CALN1: variants seen among roughly 807,000 people sequenced by gnomAD.
CALN1 encodes calneuron 1.
In CALN1, 17 loss-of-function variants were observed where a neutral mutation model predicts 30.6. That is an observed-to-expected ratio of 0.56 (90% CI 0.38 to 0.83). The LOEUF (loss-of-function observed/expected upper bound fraction) is 0.83, where lower values mean the gene tolerates loss of function less well. Ranked by LOEUF, CALN1 falls within the 40% of genes least tolerant of loss-of-function variation. The pLI is 0.00. For synonymous variants in CALN1, 156 were observed against 131.4 expected (o/e 1.19, Z -1.28); for missense variants, 291 against 354.9 (o/e 0.82, Z 1.45).
chr7:71,825,303 C>G (rs1301759236), intron 5 of CALN1, among the ~76,000 whole-genome samples: 1 of 152,168 alleles, frequency 6.6e-6, no homozygotes, highest in African/African-American at 2.4e-5. Flanking sequence ...TAGGAGATAA[C>G]TGAATCATGG....
rs917836077 is a variant in CALN1, at chr7:71,842,137, A to G, written c.502-31645T>C. ...GGGAGGCTGGAGATAGCTAGATACT[A>G]GGCAGCAACTCACGTGTCTGCCTCT... is the stretch of plus-strand genomic sequence containing the variant. On this transcript the variant is annotated intron_variant, in intron 5 of 6. Coordinates refer to ENST00000395275, the MANE Select transcript of CALN1 (RefSeq NM_031468.4). Among the ~76,000 whole-genome samples the G allele has an allele frequency of 2.0e-5, 3 of 152,302 alleles. No individual in the cohort carries two copies. The East Asian group carries it at 5.8e-4, about 29-fold the overall frequency.
chr7:71,992,537 T>G (rs1167577840), intron 5 of CALN1, among the ~76,000 whole-genome samples: 1 of 152,130 alleles, frequency 6.6e-6, no homozygotes, highest in African/African-American at 2.4e-5. Flanking sequence ...TAAATTTTTC[T>G]TGCAGAGATG....
intron 4 of CALN1, among the ~76,000 whole-genome samples, chr7:72,065,542 C>T (rs930030409): frequency 6.6e-6 from 1 of 152,160 alleles, no homozygotes; most frequent in Non-Finnish European, 1.5e-5. Context: ...AAGCAAGCAT[C>T]CCCAATCCCA....
In CALN1 at chr7:71,817,743, T is replaced by C. The variant is rs527916160; in HGVS notation, c.502-7251A>G. On this transcript the variant is annotated intron_variant, in intron 5 of 6. Transcript: ENST00000395275. ...GTTGGCCAGGATGGTCTCGATCTCC[T>C]GACCTTGTAATCCACCTGCCTTGGC... Among the ~76,000 whole-genome samples, 17 of 152,286 alleles carry C rather than the reference T, an allele frequency of 1.1e-4. No individual in the cohort carries two copies. In the East Asian group the frequency reaches 3.1e-3, roughly 28 times the overall value.
intron 3 of CALN1, among the ~76,000 whole-genome samples, chr7:72,210,105 G>C (rs1354064075): frequency 6.6e-6 from 1 of 152,038 alleles, no homozygotes; most frequent in African/African-American, 2.4e-5. Context: ...CTATGAAGAA[G>C]GACAACTGCA....
At chr7:71,990,825 G>A (rs1798908716) in intron 5 of CALN1, among the ~76,000 whole-genome samples, 3 of 152,036 alleles carry the variant, frequency 2.0e-5, no homozygotes, top group South Asian at 2.1e-4. Context: ...CTAAGGACTC[G>A]CACCAAATTC....
chr7:72,275,079 G>A (rs1444009893), intron 3 of CALN1, among the ~76,000 whole-genome samples: 1 of 152,056 alleles, frequency 6.6e-6, no homozygotes, highest in East Asian at 1.9e-4. Context: ...AACACGAACA[G>A]GTGGGGAAAC....
At chr7:72,302,693 T>C (rs1423248552) in intron 2 of CALN1, among the ~76,000 whole-genome samples, 1 of 151,702 alleles carries the variant, frequency 6.6e-6, no homozygotes, top group South Asian at 2.1e-4. Context: ...CAGGAGTTCA[T>C]GACCAGCCTG....
intron 2 of CALN1, among the ~76,000 whole-genome samples, chr7:72,353,655 A>G (rs1803064496): frequency 6.6e-6 from 1 of 152,164 alleles, no homozygotes; most frequent in Non-Finnish European, 1.5e-5. Flanking sequence ...TCCCTGTAAA[A>G]TCAGGAAAAG....
chr7:72,256,379 G>A (rs1229941183), intron 3 of CALN1, among the ~76,000 whole-genome samples: 1 of 152,072 alleles, frequency 6.6e-6, no homozygotes, highest in Non-Finnish European at 1.5e-5. Context: ...AAGATCACTT[G>A]AGCCCAGGAG....
intron 5 of CALN1, among the ~76,000 whole-genome samples, chr7:71,866,397 A>G (rs1436235311): frequency 6.6e-6 from 1 of 152,108 alleles, no homozygotes; most frequent in East Asian, 1.9e-4. Context: ...TATGTATATT[A>G]TGCAATATAC....
At chr7:72,163,607 T>G (rs939781744) in intron 3 of CALN1, among the ~76,000 whole-genome samples, 2 of 152,042 alleles carry the variant, frequency 1.3e-5, no homozygotes, top group Non-Finnish European at 2.9e-5. Context: ...ATGAACCGAA[T>G]AAAAATTCTA....
At chr7:72,396,235 TA>T (rs55683543) in intron 2 of CALN1, among the ~76,000 whole-genome samples, 1,058 of 53,312 alleles carry the variant, frequency 0.02, 17 homozygotes, top group African/African-American at 0.05. Context: ...TTGTCTCTAC[TA>T]AAAAAAAAAA....
At chr7:71,872,519 A>G (rs1584416518) in intron 5 of CALN1, among the ~76,000 whole-genome samples, 2 of 152,122 alleles carry the variant, frequency 1.3e-5, no homozygotes, top group African/African-American at 4.8e-5. Context: ...ACAACTGCAC[A>G]GATTGCTGGG....
chr7:72,374,531 C>CAA (rs200948574), intron 2 of CALN1, among the ~76,000 whole-genome samples: 22 of 50,408 alleles, frequency 4.4e-4, no homozygotes, highest in Non-Finnish European at 6.9e-4. Context: ...ACTCTGTCTC[C>CAA]AAAAAAAAAA....
intron 5 of CALN1, among the ~76,000 whole-genome samples, chr7:71,962,225 T>C (rs1562938941): frequency 3.4e-5 from 4 of 118,462 alleles, no homozygotes; most frequent in African/African-American, 1.7e-4. Context: ...AGACCCCATC[T>C]CTAAAAAAAA....
At chr7:72,189,423 T>C (rs1393305290) in intron 3 of CALN1, among the ~76,000 whole-genome samples, 3 of 152,214 alleles carry the variant, frequency 2.0e-5, no homozygotes, top group Non-Finnish European at 4.4e-5. Flanking sequence ...ATTAGAATTA[T>C]AAAGCTTTAG....
At chr7:72,209,235 T>C (rs1792160387) in intron 3 of CALN1, among the ~76,000 whole-genome samples, 1 of 136,196 alleles carries the variant, frequency 7.3e-6, no homozygotes, top group African/African-American at 2.7e-5. Context: ...CCTCTTTCCT[T>C]CCCTCTTTCC....
At chr7:72,218,304 C>T (rs374471809) in intron 3 of CALN1, among the ~76,000 whole-genome samples, 16 of 151,852 alleles carry the variant, frequency 1.1e-4, no homozygotes, top group Non-Finnish European at 1.3e-4. Context: ...AAAAATTATC[C>T]GGGCATGGTG....
Sources: gnomAD v4.1 joint callset for allele counts (sites outside exome capture counted in the v4.1 genomes callset) on GRCh38, gnomAD v4.1.1 for gene constraint, MANE v1.5 for transcripts, NCBI Gene and HGNC (gene_info 2026-07-23, HGNC 2026-07-21) for gene names.